Variants in XKR4 observed in about 807,000 individuals in gnomAD.
XKR4 encodes the protein XK related 4, also known as XK-related protein 4.
XKR4 carries 12 observed loss-of-function variants against 53.9 expected under a neutral mutation model. That is an observed-to-expected ratio of 0.22 (90% confidence interval 0.14 to 0.36). The LOEUF is 0.36. XKR4 is among the 10% of genes least tolerant of loss of function. The probability of loss-of-function intolerance (pLI) is 1.00; values close to 1 mark genes in which losing one functional copy is unlikely to be tolerated. For synonymous variants in XKR4, 354 were observed against 362.4 expected (o/e 0.98, Z 0.26); for missense variants, 799 against 859.5 (o/e 0.93, Z 0.88).
chr8:55,469,417 C>T (rs2939656), intron 2 of XKR4, among the ~76,000 whole-genome samples: 2 of 151,848 alleles, frequency 1.3e-5, no homozygotes, highest in African/African-American at 4.8e-5. Flanking sequence ...AATATTTCCT[C>T]ATTACACACT....
At chr8:55,370,762 C>T (rs909810672) in intron 2 of XKR4, among the ~76,000 whole-genome samples, 6 of 152,076 alleles carry the variant, frequency 3.9e-5, no homozygotes, top group Non-Finnish European at 7.4e-5. Context: ...TGGAAAATTC[C>T]GTCGAGATGC....
chr8:55,177,130 A>G (rs949453376), intron 1 of XKR4, among the ~76,000 whole-genome samples: 1 of 151,320 alleles, frequency 6.6e-6, no homozygotes, highest in African/African-American at 2.4e-5. Context: ...TCCGCCTCCC[A>G]GGTTCAAGCA....
At chr8:55,456,499 T>C (rs114471811) in intron 2 of XKR4, among the ~76,000 whole-genome samples, 1,610 of 152,216 alleles carry the variant, frequency 0.011, 26 homozygotes, top group African/African-American at 0.037. Context: ...ACCTAGATGA[T>C]ATATGTGGCA....
intron 2 of XKR4, chr8:55,454,996 G>C (rs1342209775): frequency 1.2e-6 from 1 of 841,368 alleles, no homozygotes; most frequent in Non-Finnish European, 2.1e-6. Context: ...GCCACCCGCT[G>C]GACTGGCAAA....
chr8:55,420,797 GATAAATAAATAA>G (rs35390370), intron 2 of XKR4, among the ~76,000 whole-genome samples: 4 of 148,794 alleles, frequency 2.7e-5, no homozygotes, highest in African/African-American at 4.9e-5. Context: ...ATAATAAATA[GATAAATAAATAA>G]ATAAATAAAT....
intron 1 of XKR4, among the ~76,000 whole-genome samples, chr8:55,292,195 T>A (rs1819031110): frequency 6.6e-6 from 1 of 152,164 alleles, no homozygotes. Flanking sequence ...CTTTATAAAA[T>A]GAACTGGGAA....
Position 55,524,791 on chromosome 8 carries a change from A to G in XKR4, c.*564A>G, listed in dbSNP as rs1277044091. The G allele has an allele frequency of 2.0e-5, 3 of 152,878 alleles. No individual in the cohort carries two copies. The highest frequency in any genetic ancestry group is 7.2e-5 in the African/African-American group (3 of 41,456). The allele number at this position is 152,878 out of a possible 1,614,324, so 9.5% of individuals were successfully genotyped here. On this transcript the variant is annotated 3_prime_UTR_variant, in exon 3 of 3. Coordinates refer to ENST00000327381, the MANE Select transcript of XKR4 (RefSeq NM_052898.2). ...ATTTTCTCATTTGGAAATCCATACCATGTGTGAAAATCCTATCCAACGGAC... is the reference window on the plus strand; with the variant it reads ...ATTTTCTCATTTGGAAATCCATACCGTGTGTGAAAATCCTATCCAACGGAC...
chr8:55,292,888 G>T (rs184900942), intron 1 of XKR4, among the ~76,000 whole-genome samples: 42 of 152,020 alleles, frequency 2.8e-4, no homozygotes, highest in South Asian at 6.2e-4. Flanking sequence ...CTTCCTCTTT[G>T]GTCCATGGGT....
chr8:55,251,904 GTAACTTTTTATCATGCAT>G (rs1324472682), intron 1 of XKR4, among the ~76,000 whole-genome samples: 3 of 152,108 alleles, frequency 2.0e-5, no homozygotes, highest in Non-Finnish European at 4.4e-5. Context: ...CTAATATCTG[GTAACTTTTTATCATGCAT>G]TTGTTTTATT....
chr8:55,184,202 C>A (rs1486501658), intron 1 of XKR4, among the ~76,000 whole-genome samples: 2 of 152,082 alleles, frequency 1.3e-5, no homozygotes, highest in Admixed American at 1.3e-4. Flanking sequence ...CCTGTAGATA[C>A]CTTTCTGACC....
intron 2 of XKR4, among the ~76,000 whole-genome samples, chr8:55,383,297 C>G (rs1031436945): frequency 6.6e-6 from 1 of 152,188 alleles, no homozygotes; most frequent in African/African-American, 2.4e-5. Context: ...AAAGACCTAG[C>G]CTTTGATCTA....
intron 2 of XKR4, among the ~76,000 whole-genome samples, chr8:55,405,233 A>G (rs1160526179): frequency 6.6e-6 from 1 of 152,192 alleles, no homozygotes; most frequent in East Asian, 1.9e-4. Flanking sequence ...GGACACATGT[A>G]GCGAAGAATC....
intron 2 of XKR4, among the ~76,000 whole-genome samples, chr8:55,483,479 C>T (rs1806144380): frequency 6.6e-6 from 1 of 151,664 alleles, no homozygotes; most frequent in Admixed American, 6.6e-5. Context: ...AGAAATGGGG[C>T]TGGAAAACTG....
intron 2 of XKR4, among the ~76,000 whole-genome samples, chr8:55,495,920 A>T (rs1019527122): frequency 6.6e-6 from 1 of 152,242 alleles, no homozygotes; most frequent in Non-Finnish European, 1.5e-5. Flanking sequence ...AAATGTATAT[A>T]TTCACACACC....
chr8:55,205,713 G>A (rs1341823290), intron 1 of XKR4, among the ~76,000 whole-genome samples: 1 of 152,168 alleles, frequency 6.6e-6, no homozygotes, highest in Non-Finnish European at 1.5e-5. Context: ...CATTAGATGT[G>A]GGAATTCAAG....
chr8:55,162,011 C>T (rs1585912649), intron 1 of XKR4, among the ~76,000 whole-genome samples: 1 of 152,174 alleles, frequency 6.6e-6, no homozygotes, highest in East Asian at 1.9e-4. Flanking sequence ...GAAGTGTATT[C>T]ATGATCTCAC....
chr8:55,518,573 A>G (rs1806751139), intron 2 of XKR4, among the ~76,000 whole-genome samples: 1 of 152,226 alleles, frequency 6.6e-6, no homozygotes. Context: ...AGGAACAGGA[A>G]TTGTGTTCTT....
intron 1 of XKR4, among the ~76,000 whole-genome samples, chr8:55,142,665 TA>T (rs1027780738): frequency 3.0e-4 from 45 of 152,112 alleles, no homozygotes; most frequent in African/African-American, 9.6e-4. Flanking sequence ...CAATAAACTT[TA>T]AAAAAAAATT....
At chr8:55,316,296 T>A (rs1438761952) in intron 1 of XKR4, among the ~76,000 whole-genome samples, 1 of 152,182 alleles carries the variant, frequency 6.6e-6, no homozygotes. Context: ...ATTCTCAGGC[T>A]GTGAAAAATA....
Sources: gnomAD v4.1 joint callset for allele counts (sites outside exome capture counted in the v4.1 genomes callset) on GRCh38, gnomAD v4.1.1 for gene constraint, MANE v1.5 for transcripts, NCBI Gene and HGNC (gene_info 2026-07-23, HGNC 2026-07-21) for gene names.